The following SEMA5A variants were observed in gnomAD, a reference collection of about 807,000 sequenced individuals.
SEMA5A encodes the protein semaphorin 5A, also known as semaphorin-5A.
A neutral mutation model predicts 135.5 loss-of-function variants in SEMA5A; 55 were observed. The ratio of observed to expected loss-of-function variants is 0.41; its 90% CI spans 0.33 to 0.51. The LOEUF (loss-of-function observed/expected upper bound fraction) is 0.51. Among genes scored for constraint, SEMA5A ranks in the 20% least tolerant of loss-of-function variants. The pLI is 0.37. For missense variants in SEMA5A, 1,290 were observed against 1,419.9 expected (o/e 0.91, Z 1.47); for synonymous variants, 580 against 546.5 (o/e 1.06, Z -0.85).
chr5:9,286,942 C>A (rs752490176), intron 5 of SEMA5A, among the ~76,000 whole-genome samples: 17 of 152,216 alleles, frequency 1.1e-4, no homozygotes, highest in Non-Finnish European at 1.9e-4. Flanking sequence ...AATCTTTGAA[C>A]ACATTTCCTT....
At chr5:9,441,648 T>C (rs978437355) in intron 1 of SEMA5A, among the ~76,000 whole-genome samples, 10 of 152,126 alleles carry the variant, frequency 6.6e-5, no homozygotes, top group South Asian at 2.1e-4. Context: ...CTCAAGTCCC[T>C]GGAGGAAGAC....
intron 11 of SEMA5A, among the ~76,000 whole-genome samples, chr5:9,176,224 A>G (rs1744196702): frequency 6.6e-6 from 1 of 152,182 alleles, no homozygotes; most frequent in African/African-American, 2.4e-5. Context: ...TGCTGGTTGC[A>G]TAGAGTAAGT....
intron 9 of SEMA5A, among the ~76,000 whole-genome samples, chr5:9,197,552 C>A (rs1282923593): frequency 6.6e-6 from 1 of 152,188 alleles, no homozygotes; most frequent in African/African-American, 2.4e-5. Flanking sequence ...AGGATTAATT[C>A]ACTCAGTTGC....
chr5:9,050,471 A>C lies in SEMA5A; in HGVS notation c.2846-14T>G. 1 of 1,611,718 alleles carries C rather than the reference A, an allele frequency of 6.2e-7. No homozygotes were observed. Among genetic ancestry groups the C allele is most frequent in the East Asian group, 2.2e-5 (1 of 44,848 alleles). On this transcript the variant is annotated splice_polypyrimidine_tract_variant and intron_variant, in intron 20 of 22. Transcript: ENST00000382496. ...CCACAGATACTTCTGGAAAAAGAAA[A>C]GTCGAATCACAATGTGTAAAAGGTG...
At chr5:9,055,910 A>G (rs927225458) in intron 18 of SEMA5A, among the ~76,000 whole-genome samples, 1 of 151,482 alleles carries the variant, frequency 6.6e-6, no homozygotes, top group Admixed American at 6.6e-5. Context: ...TCCCATATCT[A>G]TTCTCACTGA....
Position 9,154,475 on chromosome 5 carries a change from G to A in SEMA5A, c.1481+13C>T, listed in dbSNP as rs776344404. 2.0e-5 allele frequency: 32 copies of A among 1,611,072 alleles called. No individual in the cohort carries two copies. The highest frequency in any genetic ancestry group is 1.3e-4 in the East Asian group (6 of 44,806). On this transcript the variant is annotated intron_variant, in intron 12 of 22. Transcript: ENST00000382496. ...ACACACACCAGTGCATCCTGACCCC[G>A]GAGATGCCCTACCTGCGTGTGCGGT...
At chr5:9,264,833 C>CAACA (rs543488412) in intron 5 of SEMA5A, among the ~76,000 whole-genome samples, 57,609 of 151,674 alleles carry the variant, frequency 0.38, 11,327 homozygotes, top group East Asian at 0.48. Context: ...TAAGTAACAA[C>CAACA]AACATTCATC....
At chr5:9,446,710 G>T (rs1358884325) in intron 1 of SEMA5A, among the ~76,000 whole-genome samples, 1 of 152,138 alleles carries the variant, frequency 6.6e-6, no homozygotes, top group Non-Finnish European at 1.5e-5. Context: ...GACTTATTCT[G>T]TAAGCAGTAG....
intron 12 of SEMA5A, among the ~76,000 whole-genome samples, chr5:9,147,771 C>A (rs1264091984): frequency 6.7e-6 from 1 of 149,916 alleles, no homozygotes; most frequent in Non-Finnish European, 1.5e-5. Context: ...GCTTTCAATC[C>A]TTTTGCTACT....
intron 16 of SEMA5A, among the ~76,000 whole-genome samples, chr5:9,106,103 C>T (rs942796028): frequency 2.0e-5 from 3 of 152,156 alleles, no homozygotes; most frequent in African/African-American, 7.2e-5. Context: ...AAGTGGATTG[C>T]TCCTCATTGC....
At chr5:9,325,285 A>T (rs959389045) in intron 4 of SEMA5A, among the ~76,000 whole-genome samples, 12 of 151,632 alleles carry the variant, frequency 7.9e-5, no homozygotes, top group African/African-American at 2.9e-4. Flanking sequence ...TTGACATTGC[A>T]CATTCACGTG....
chr5:9,245,150 A>C (rs1454216471), intron 5 of SEMA5A, among the ~76,000 whole-genome samples: 3 of 152,176 alleles, frequency 2.0e-5, no homozygotes, highest in Non-Finnish European at 4.4e-5. Flanking sequence ...ATTGTGGACA[A>C]TTCTGAGTAG....
chr5:9,505,728 C>G (rs1026911774), intron 1 of SEMA5A, among the ~76,000 whole-genome samples: 1 of 152,192 alleles, frequency 6.6e-6, no homozygotes. Flanking sequence ...AGAGGAAGGC[C>G]AAATGGCCGA....
chr5:9,103,993 C>T (rs1042129240), intron 16 of SEMA5A, among the ~76,000 whole-genome samples: 3 of 152,110 alleles, frequency 2.0e-5, no homozygotes, highest in Non-Finnish European at 4.4e-5. Flanking sequence ...AGACAAAAAG[C>T]TCCTCCTTCT....
At chr5:9,118,855 A>G in intron 15 of SEMA5A, 143 bp downstream of exon 15, 1 of 1,070,290 alleles carries the variant, frequency 9.3e-7, no homozygotes, top group Non-Finnish European at 1.3e-6. Context: ...ATGCCAGGAA[A>G]AGAAGAGGAC....
chr5:9,188,013 C>A (rs943160478), intron 11 of SEMA5A, among the ~76,000 whole-genome samples: 1 of 152,168 alleles, frequency 6.6e-6, no homozygotes, highest in South Asian at 2.1e-4. Context: ...TAGCTATGGA[C>A]TGAATGTTTG....
At chr5:9,196,959 G>A (rs567638302) in intron 10 of SEMA5A, among the ~76,000 whole-genome samples, 54 of 152,308 alleles carry the variant, frequency 3.5e-4, no homozygotes, top group African/African-American at 1.3e-3. Context: ...GCTGACAAAA[G>A]GCCCTTTCTG....
chr5:9,482,187 T>C (rs1579613388), intron 1 of SEMA5A, among the ~76,000 whole-genome samples: 1 of 152,284 alleles, frequency 6.6e-6, no homozygotes, highest in East Asian at 1.9e-4. Context: ...AGCTGAACAG[T>C]ACCTGACATT....
intron 2 of SEMA5A, among the ~76,000 whole-genome samples, chr5:9,404,223 C>A (rs1160081642): frequency 6.6e-6 from 1 of 151,924 alleles, no homozygotes; most frequent in Non-Finnish European, 1.5e-5. Flanking sequence ...CGTGAGCCAC[C>A]ATGCCTGGCC....
Sources: allele counts gnomAD v4.1 joint callset (sites outside exome capture counted in the v4.1 genomes callset), GRCh38; gene constraint gnomAD v4.1.1; transcripts MANE v1.5; gene names NCBI Gene and HGNC (gene_info 2026-07-23, HGNC 2026-07-21).